Variants in VTI1A observed in about 807,000 individuals in gnomAD.
The protein encoded by VTI1A is vesicle transport through interaction with t-SNAREs 1A.
In VTI1A, 22 loss-of-function variants were observed where a neutral mutation model predicts 34.9. That is an observed-to-expected ratio of 0.63 (90% CI 0.45 to 0.90). The LOEUF is 0.90. Among genes scored for constraint, VTI1A ranks in the 40% least tolerant of loss-of-function variants. VTI1A has a pLI of 0.00. For missense variants in VTI1A, 268 were observed against 275.6 expected (o/e 0.97, Z 0.20); for synonymous variants, 87 against 97.3 (o/e 0.89, Z 0.62).
chr10:112,447,283 C>G lies in VTI1A; in HGVS notation c.-91C>G. ...CCGTTCTGCTCTCGGGGGCACCTTCCGGGGTTCCTAAGCCGCGGGGCCCCT... is the reference window on the plus strand; with the variant it reads ...CCGTTCTGCTCTCGGGGGCACCTTCGGGGGTTCCTAAGCCGCGGGGCCCCT... On this transcript the variant is annotated 5_prime_UTR_variant, in exon 1 of 8. Coordinates refer to ENST00000393077, the MANE Select transcript of VTI1A (RefSeq NM_145206.4). The G allele has an allele frequency of 7.1e-7, 1 of 1,416,732 alleles. No individual in the cohort carries two copies. Among genetic ancestry groups the G allele is most frequent in the East Asian group, 2.5e-5 (1 of 39,926 alleles). 87.8% of individuals were successfully genotyped at this position (1,416,732 alleles called of 1,614,324 possible).
chr10:112,519,080 C>T (rs1375559167), intron 3 of VTI1A, among the ~76,000 whole-genome samples: 2 of 152,012 alleles, frequency 1.3e-5, no homozygotes, highest in African/African-American at 4.8e-5. Context: ...CCTATAACCT[C>T]ACTATAACAC....
chr10:112,685,837 A>T (rs971735577), intron 7 of VTI1A, among the ~76,000 whole-genome samples: 1 of 152,172 alleles, frequency 6.6e-6, no homozygotes, highest in Non-Finnish European at 1.5e-5. Flanking sequence ...ATTGGAAAGA[A>T]ATGAGACTTC....
chr10:112,576,019 C>CTTTTTTTTT (rs760363890), intron 5 of VTI1A, among the ~76,000 whole-genome samples: 8 of 131,290 alleles, frequency 6.1e-5, no homozygotes, highest in Non-Finnish European at 8.3e-5. Context: ...CTTTTCTTTT[C>CTTTTTTTTT]TTTTTTTTTT....
intron 5 of VTI1A, among the ~76,000 whole-genome samples, chr10:112,652,339 G>A (rs1333656425): frequency 1.3e-5 from 2 of 152,156 alleles, no homozygotes; most frequent in Admixed American, 6.5e-5. Flanking sequence ...GTCACCGACT[G>A]TCTCAGTGAG....
chr10:112,809,682 A>C (rs1853217312), intron 7 of VTI1A, among the ~76,000 whole-genome samples: 1 of 152,240 alleles, frequency 6.6e-6, no homozygotes, highest in Admixed American at 6.5e-5. Flanking sequence ...AGCAATAACC[A>C]CGTGACCCTG....
At chr10:112,653,033 T>C (rs529439688) in intron 5 of VTI1A, among the ~76,000 whole-genome samples, 1 of 152,310 alleles carries the variant, frequency 6.6e-6, no homozygotes, top group East Asian at 1.9e-4. Context: ...GCATAGGGGC[T>C]CAAGAGCCCC....
intron 5 of VTI1A, among the ~76,000 whole-genome samples, chr10:112,596,369 A>G (rs1012471017): frequency 6.6e-6 from 1 of 152,174 alleles, no homozygotes; most frequent in Non-Finnish European, 1.5e-5. Flanking sequence ...TTATTTTACC[A>G]AATATTCTGC....
rs540411705 is a variant in VTI1A, at chr10:112,688,061, C to A, written c.560+19063C>A. On this transcript the variant is annotated intron_variant, in intron 7 of 7. Coordinates refer to ENST00000393077, the MANE Select transcript of VTI1A (RefSeq NM_145206.4). ...CTCTGCCTCTCAGGTTCAAGCGATT[C>A]TCCTGCCTCAGCCTCCCAAGTAGCT... Among the ~76,000 whole-genome samples the A allele has an allele frequency of 2.3e-4, 34 of 149,216 alleles. No individual in the cohort carries two copies. The South Asian group carries it at 7.1e-3, about 31-fold the overall frequency.
intron 3 of VTI1A, among the ~76,000 whole-genome samples, chr10:112,518,560 TC>T (rs1849873260): frequency 1.4e-5 from 1 of 69,134 alleles, no homozygotes; most frequent in Admixed American, 1.3e-4. Flanking sequence ...TCTCTCTCTC[TC>T]TCTCTCTCTC....
At chr10:112,651,178 A>G (rs1307244336) in intron 5 of VTI1A, among the ~76,000 whole-genome samples, 2 of 152,212 alleles carry the variant, frequency 1.3e-5, no homozygotes, top group Non-Finnish European at 2.9e-5. Flanking sequence ...TCCTGTCTTC[A>G]GCACTTCCTT....
chr10:112,829,678 C>T, the VTI1A span, among the ~76,000 whole-genome samples: 18 of 152,264 alleles, frequency 1.2e-4, no homozygotes, highest in Admixed American at 9.2e-4. Flanking sequence ...CGCTTGAACC[C>T]GGGAGGCGGA....
upstream of VTI1A, chr10:112,447,161 A>G (rs1846856914): frequency 3.8e-6 from 2 of 529,542 alleles, no homozygotes; most frequent in Non-Finnish European, 6.8e-6. Context: ...TTAAAGTCGG[A>G]GCGGAAAATA....
intron 5 of VTI1A, among the ~76,000 whole-genome samples, chr10:112,629,294 T>C (rs1846041570): frequency 9.0e-6 from 1 of 111,686 alleles, no homozygotes; most frequent in South Asian, 2.6e-4. Context: ...ATCCTACTCT[T>C]CCTTATGACC....
At chr10:112,819,305 G>T (rs1165328962), downstream of VTI1A, among the ~76,000 whole-genome samples, 2 of 152,176 alleles carry the variant, frequency 1.3e-5, no homozygotes, top group Non-Finnish European at 2.9e-5. Flanking sequence ...TGGGAGTGGA[G>T]GTGGCTTTCC....
intron 7 of VTI1A, among the ~76,000 whole-genome samples, chr10:112,790,932 G>A (rs769593928): frequency 1.6e-4 from 25 of 152,172 alleles, no homozygotes; most frequent in Non-Finnish European, 2.9e-4. Flanking sequence ...TCATCTTTGC[G>A]GATTTGGGCC....
intron 5 of VTI1A, among the ~76,000 whole-genome samples, chr10:112,657,468 G>A (rs904158865): frequency 2.6e-5 from 4 of 151,992 alleles, no homozygotes; most frequent in Admixed American, 6.6e-5. Flanking sequence ...TTGAGTTGGG[G>A]TACAAATTAG....
At chr10:112,740,383 A>G (rs7915854) in intron 7 of VTI1A, among the ~76,000 whole-genome samples, 57,581 of 152,016 alleles carry the variant, frequency 0.38, 13,577 homozygotes, top group African/African-American at 0.67. Flanking sequence ...TCCGCCTCCC[A>G]GGTTCAAGCA....
At chr10:112,616,327 G>A (rs1845512402) in intron 5 of VTI1A, among the ~76,000 whole-genome samples, 1 of 152,110 alleles carries the variant, frequency 6.6e-6, no homozygotes, top group Non-Finnish European at 1.5e-5. Flanking sequence ...ATGTACATGT[G>A]CACACACTCA....
chr10:112,618,524 T>TATATAGAGAGAGAGAG (rs748276058), intron 5 of VTI1A, among the ~76,000 whole-genome samples: 51 of 34,556 alleles, frequency 1.5e-3, no homozygotes, highest in African/African-American at 2.1e-3. Context: ...TATATATATA[T>TATATAGAGAGAGAGAG]AGAGAGAGAG....
Sources: gnomAD v4.1 joint callset for allele counts (sites outside exome capture counted in the v4.1 genomes callset) on GRCh38, gnomAD v4.1.1 for gene constraint, MANE v1.5 for transcripts, NCBI Gene and HGNC (gene_info 2026-07-23, HGNC 2026-07-21) for gene names.